ADAP1: variants seen among roughly 807,000 people sequenced by gnomAD.
ADAP1 encodes ArfGAP with dual PH domains 1, also known as arf-GAP with dual PH domain-containing protein 1.
A neutral mutation model predicts 54.9 loss-of-function variants in ADAP1; 31 were observed. That is an observed-to-expected ratio of 0.56 (90% CI 0.42 to 0.76). The LOEUF (loss-of-function observed/expected upper bound fraction) is 0.76, where lower values mean the gene tolerates loss of function less well. Ranked by LOEUF, ADAP1 falls within the 30% of genes least tolerant of loss-of-function variation. The probability of loss-of-function intolerance (pLI) is 0.00; values close to 1 mark genes in which losing one functional copy is unlikely to be tolerated. For synonymous variants in ADAP1, 313 were observed against 202.6 expected, an observed-to-expected ratio of 1.55 and a Z score of -4.63; for missense variants, 535 against 512.4, an observed-to-expected ratio of 1.04 and a Z score of -0.42.
At chr7:927,776 G>A (rs1000608041) in intron 2 of ADAP1, among the ~76,000 whole-genome samples, 4 of 152,156 alleles carry the variant, frequency 2.6e-5, no homozygotes, top group Non-Finnish European at 5.9e-5. Flanking sequence ...GTGTGCTCCC[G>A]AGGACGAGAG....
chr7:905,407 GAAAGGGAGAAAGAGAAAGGAGAAAGGAGA>G (rs1845116940), intron 4 of ADAP1: 1 of 199,922 alleles, frequency 5.0e-6, no homozygotes, highest in South Asian at 6.4e-5. Context: ...GGAGAAAGGA[GAAAGGGAGAAAGAGAAAGGAGAAAGGAGA>G]AAGGGAGAAA....
Position 954,412 on chromosome 7 carries a change from C to T in ADAP1, c.66G>A (p.Ala22=), listed in dbSNP as rs1396913342. Residue 22 remains alanine, a synonymous_variant, in exon 1 of 11, where the codon GCG becomes GCA. Transcript: ENST00000265846. ...CACACCTACCCGGGGCGCCGCAGTC[C>T]GCGCAGCGCGCGTTCCCCGGCCGCT... ...LLQRPGNARC[A]DCGAPDPDWA... is the part of the protein sequence containing the mutation. The T allele has an allele frequency of 7.9e-6, 9 of 1,137,008 alleles. No homozygotes were observed. Among genetic ancestry groups the T allele is most frequent in the Non-Finnish European group, 8.7e-6 (8 of 915,820 alleles). 70.4% of individuals were successfully genotyped at this position (1,137,008 alleles called of 1,614,324 possible).
Position 920,739 on chromosome 7 carries a change from T to G in ADAP1, c.306-689A>C, listed in dbSNP as rs1267687278. On this transcript the variant is annotated intron_variant, in intron 3 of 10. Coordinates refer to ENST00000265846, the MANE Select transcript of ADAP1 (RefSeq NM_006869.4). This position sits in a 1 kb window ranked among gnomAD's most constrained non-coding sequence, Gnocchi z 4.5. ...GGCACCCACTGAGCCCAGACATCCC[T>G]GCCCAGAGCCACCCACCACGGCCTC... The G allele has an allele frequency of 1.1e-5, 17 of 1,516,716 alleles. No homozygotes were observed. The East Asian group carries it at 4.2e-4, about 38-fold the overall frequency. 94.0% of individuals were successfully genotyped at this position (1,516,716 alleles called of 1,614,324 possible).
At position 909,394 on chromosome 7, in the gene ADAP1, GGTCCTCCC is replaced by G. The variant is rs1346374053; in HGVS notation, c.389-4230_389-4223del. ...GACAGCAGGCGCCAGCGGGAACCCCGGTCCTCCCGACAGCAGGCGCCAGCGGGAACCCC... is the reference window on the plus strand; with the variant it reads ...GACAGCAGGCGCCAGCGGGAACCCCGGACAGCAGGCGCCAGCGGGAACCCC... On this transcript the variant is annotated intron_variant, in intron 4 of 10. Transcript: ENST00000265846. 7.1e-4 allele frequency among the ~76,000 whole-genome samples: 92 copies of G among 130,208 alleles called. 5 individuals carry two copies. The highest frequency in any genetic ancestry group is 7.4e-4 in the African/African-American group (23 of 31,142). The allele number at this position is 130,208 out of a possible 152,430, so 85.4% of individuals were successfully genotyped here. A position where few individuals can be genotyped will look rare whatever the true frequency, so the allele number is the denominator to read the frequency against.
At chr7:921,445 C>A (rs935876734) in intron 3 of ADAP1, among the ~76,000 whole-genome samples, 1 of 152,230 alleles carries the variant, frequency 6.6e-6, no homozygotes, top group African/African-American at 2.4e-5. Flanking sequence ...CTCGGCTTCC[C>A]GAGTAGCTGG....
chr7:935,117 C>G (rs866821599), intron 2 of ADAP1: 36 of 621,704 alleles, frequency 5.8e-5, no homozygotes, highest in Non-Finnish European at 7.6e-5. Context: ...ATCGGCGACC[C>G]GCCTTCGCTC....
intron 3 of ADAP1, among the ~76,000 whole-genome samples, chr7:923,762 C>T (rs961113827): frequency 3.9e-5 from 6 of 152,262 alleles, no homozygotes; most frequent in African/African-American, 1.2e-4. Flanking sequence ...GCCCGCCACT[C>T]TTAGCTCCTG....
chr7:900,883 A>AGGGCCGAAGGGCCGAAGGGCCGGGCC (rs1554270394), intron 6 of ADAP1: 1 of 393,248 alleles, frequency 2.5e-6, no homozygotes, highest in East Asian at 9.0e-5. Context: ...GAAGGGCCGA[A>AGGGCCGAAGGGCCGAAGGGCCGGGCC]GGGCCGGGCC....
chr7:903,648 G>A (rs997243414), intron 6 of ADAP1, among the ~76,000 whole-genome samples: 13 of 152,140 alleles, frequency 8.5e-5, no homozygotes, highest in East Asian at 3.9e-4. Flanking sequence ...CCAGAGATGC[G>A]GGGTACACCC....
intron 6 of ADAP1, 122 bp from the exon 7 acceptor site, chr7:900,738 C>G (rs554118393): frequency 1.2e-6 from 1 of 835,726 alleles, no homozygotes; most frequent in Non-Finnish European, 1.9e-6. Flanking sequence ...TCCTCCTCCC[C>G]GGCACCTCAG....
At position 899,630 on chromosome 7, in the gene ADAP1, C is replaced by A. The variant is rs924174267; in HGVS notation, c.796-140G>T. ...ATTCACTCACGCCTGCCGCTGGCCA[C>A]GCCCCACGAGGCCTCCGCACACGCC... On this transcript the variant is annotated intron_variant, in intron 8 of 10. Coordinates refer to ENST00000265846, the MANE Select transcript of ADAP1 (RefSeq NM_006869.4). 5 of 969,876 alleles carry A rather than the reference C, an allele frequency of 5.2e-6. No individual in the cohort carries two copies. The South Asian group carries it at 6.7e-5, about 13-fold the overall frequency. 60.1% of individuals were successfully genotyped at this position (969,876 alleles called of 1,614,324 possible).
At position 946,858 on chromosome 7, in the gene ADAP1, G is replaced by A. The variant is rs189004066; in HGVS notation, c.82+7538C>T. The stretch of plus-strand genomic sequence containing the variant: ...ACTTTGAAATGATTAACCTGAGGCC[G>A]GGCGGGGCGGCTCACGCCTGCAATC... On this transcript the variant is annotated intron_variant, in intron 1 of 10. Transcript: ENST00000265846. This position sits in a 1 kb window ranked among gnomAD's most constrained non-coding sequence, Gnocchi z 4.3. Among the ~76,000 whole-genome samples the A allele has an allele frequency of 3.9e-3, 593 of 152,348 alleles. 2 individuals carry two copies. The highest frequency in any genetic ancestry group is 4.8e-3 in the Non-Finnish European group (326 of 68,040).
intron 1 of ADAP1, among the ~76,000 whole-genome samples, chr7:944,255 C>CTTT (rs373409871): frequency 7.4e-6 from 1 of 135,428 alleles, no homozygotes; most frequent in African/African-American, 2.8e-5. Context: ...TATTTTTAAC[C>CTTT]TTTTTTTTTT....
At chr7:912,764 G>C (rs1219596547) in intron 4 of ADAP1, among the ~76,000 whole-genome samples, 1 of 152,086 alleles carries the variant, frequency 6.6e-6, no homozygotes, top group Non-Finnish European at 1.5e-5. Context: ...GCAATGGCGC[G>C]ATCTCGGCTC....
At chr7:944,443 C>T (rs1385803263) in intron 1 of ADAP1, among the ~76,000 whole-genome samples, 4 of 151,494 alleles carry the variant, frequency 2.6e-5, no homozygotes, top group Non-Finnish European at 4.4e-5. Flanking sequence ...TTAATAGAGA[C>T]GGGGTTCACC....
chr7:903,482 G>T (rs1844923480), intron 6 of ADAP1, among the ~76,000 whole-genome samples: 1 of 152,194 alleles, frequency 6.6e-6, no homozygotes, highest in South Asian at 2.1e-4. Context: ...GAACGATATA[G>T]CGCTTTAGAC....
intron 6 of ADAP1, among the ~76,000 whole-genome samples, chr7:903,138 GGA>G (rs1490104474): frequency 1.3e-5 from 2 of 152,158 alleles, no homozygotes; most frequent in Non-Finnish European, 2.9e-5. Flanking sequence ...AACAGTCTGC[GGA>G]GAGTCTGCGG....
Position 899,491 on chromosome 7 carries a change from C to T in ADAP1, c.796-1G>A. The T allele has an allele frequency of 6.2e-7, 1 of 1,612,778 alleles. No homozygotes were observed. Among genetic ancestry groups the T allele is most frequent in the Non-Finnish European group, 8.5e-7 (1 of 1,179,792 alleles). Reference sequence around the variant, plus strand: ...AGCGCTTCCGGAAGCCTTCCGTTTGCTGTGGGTCAGAGAGGGCCCGTGACC... The same window carrying T: ...AGCGCTTCCGGAAGCCTTCCGTTTGTTGTGGGTCAGAGAGGGCCCGTGACC... On this transcript the variant is annotated splice_acceptor_variant, in intron 8 of 10. Coordinates refer to ENST00000265846, the MANE Select transcript of ADAP1 (RefSeq NM_006869.4). LOFTEE classifies it high-confidence loss of function.
At chr7:947,842 C>A (rs896257482) in intron 1 of ADAP1, among the ~76,000 whole-genome samples, 1 of 152,100 alleles carries the variant, frequency 6.6e-6, no homozygotes, top group African/African-American at 2.4e-5. Flanking sequence ...AGAGTCACAG[C>A]GCAGCCCTCA....
Sources: gnomAD v4.1 joint callset for allele counts (sites outside exome capture counted in the v4.1 genomes callset) on GRCh38, gnomAD v4.1.1 for gene constraint, Gnocchi (gnomAD v3.1) non-coding constraint, MANE v1.5 for transcripts, NCBI Gene and HGNC (gene_info 2026-07-23, HGNC 2026-07-21) for gene names.